The following SH3GLB1 variants were observed in gnomAD, a reference collection of about 807,000 sequenced individuals.
The protein encoded by SH3GLB1 is SH3 domain containing GRB2 like, endophilin B1.
SH3GLB1 carries 17 observed loss-of-function variants against 42.0 expected under a neutral mutation model. The ratio of observed to expected loss-of-function variants is 0.40; its 90% confidence interval spans 0.28 to 0.61. SH3GLB1 has a LOEUF of 0.61. SH3GLB1 is among the 20% of genes least tolerant of loss of function. The pLI is 0.36. For missense variants in SH3GLB1, 355 were observed against 426.3 expected, an observed-to-expected ratio of 0.83 and a Z score of 1.47; for synonymous variants, 132 against 146.6, an observed-to-expected ratio of 0.90 and a Z score of 0.72.
At chr1:86,708,103 A>G (rs1347704563) in intron 1 of SH3GLB1, among the ~76,000 whole-genome samples, 1 of 152,236 alleles carries the variant, frequency 6.6e-6, no homozygotes, top group Non-Finnish European at 1.5e-5. Flanking sequence ...ACTTTTTTAA[A>G]GATAAAATTT....
intron 5 of SH3GLB1, among the ~76,000 whole-genome samples, chr1:86,733,180 G>A (rs1042044244): frequency 6.6e-6 from 1 of 152,082 alleles, no homozygotes; most frequent in Non-Finnish European, 1.5e-5. Flanking sequence ...ATGGGTTCTG[G>A]TTTTAGTCAA....
At chr1:86,710,677 A>G (rs1053662258) in intron 1 of SH3GLB1, among the ~76,000 whole-genome samples, 15 of 152,186 alleles carry the variant, frequency 9.9e-5, no homozygotes, top group Non-Finnish European at 2.2e-4. Context: ...AAAATGATCA[A>G]ACACCTAAGT....
chr1:86,735,206 G>A (rs1655722505), intron 7 of SH3GLB1, 27 bp downstream of exon 7: 1 of 1,504,024 alleles, frequency 6.6e-7, no homozygotes, highest in African/African-American at 1.4e-5. Context: ...CACATGTAAA[G>A]AGGAGAAATT....
intron 1 of SH3GLB1, among the ~76,000 whole-genome samples, chr1:86,713,564 T>C (rs1486984646): frequency 6.6e-6 from 1 of 152,182 alleles, no homozygotes; most frequent in Admixed American, 6.5e-5. Context: ...ACTCTTTCCT[T>C]AGATCTTAAC....
intron 5 of SH3GLB1, chr1:86,730,504 A>T (rs564624656): frequency 8.3e-4 from 416 of 498,516 alleles, no homozygotes; most frequent in Non-Finnish European, 9.8e-4. Flanking sequence ...GCACAAATGA[A>T]TTTTTTTTTT....
At position 86,722,647 on chromosome 1, in the gene SH3GLB1, A is replaced by T. The variant is rs778625773; in HGVS notation, c.451A>T (p.Ile151Leu). Reference sequence around the variant, plus strand: ...TTTTCTTACTCCTTTAAGAAACTTTATAGAAGGAGATTACAAAACAATTGC... The same window carrying T: ...TTTTCTTACTCCTTTAAGAAACTTTTTAGAAGGAGATTACAAAACAATTGC... ...LNFLTPLRNF[I>L]EGDYKTIAKE... The change falls in exon 4 of 9, where the codon ATA becomes TTA. Residue 151 changes from isoleucine to leucine, a missense_variant. Ile to Leu is a conservative substitution (Grantham distance 5). Transcript: ENST00000370558. 18 of 1,605,588 alleles carry T rather than the reference A, an allele frequency of 1.1e-5. No homozygotes were observed. The highest frequency in any genetic ancestry group is 3.4e-6 in the Non-Finnish European group (4 of 1,176,548).
chr1:86,735,182 G>A lies in SH3GLB1; in HGVS notation c.761+3G>A, dbSNP rs1405086565. Reference sequence around the variant, plus strand: ...GACCTCCAGAAACAACTGGGAAGGTGATAATTTACTTTTCACATGTAAAGA... The same window carrying A: ...GACCTCCAGAAACAACTGGGAAGGTAATAATTTACTTTTCACATGTAAAGA... On this transcript the variant is annotated splice_donor_region_variant and intron_variant, in intron 7 of 8. Coordinates refer to ENST00000370558, the MANE Select transcript of SH3GLB1 (RefSeq NM_016009.5). 1 of 1,595,900 alleles carries A rather than the reference G, an allele frequency of 6.3e-7. No individual in the cohort carries two copies. Among genetic ancestry groups the A allele is most frequent in the Non-Finnish European group, 8.6e-7 (1 of 1,164,212 alleles).
intron 5 of SH3GLB1, chr1:86,730,323 C>A (rs1007566835): frequency 1.0e-6 from 1 of 985,272 alleles, no homozygotes; most frequent in African/African-American, 1.7e-5. Context: ...GGTTTGCACA[C>A]ACACTGATAA....
At chr1:86,715,680 T>C in intron 1 of SH3GLB1, 44 bp from the exon 2 acceptor site, 2 of 1,550,378 alleles carry the variant, frequency 1.3e-6, no homozygotes, top group Non-Finnish European at 8.6e-7. Flanking sequence ...TTCCCTAAAA[T>C]TTATTTGCAG....
chr1:86,711,599 ATGC>A (rs1302687511), intron 1 of SH3GLB1, among the ~76,000 whole-genome samples: 15 of 152,286 alleles, frequency 9.8e-5, no homozygotes, highest in African/African-American at 3.6e-4. Context: ...ATTAAAAGAT[ATGC>A]TTAAAATCAA....
At chr1:86,722,166 T>C (rs63087360) in intron 3 of SH3GLB1, among the ~76,000 whole-genome samples, 1 of 112,554 alleles carries the variant, frequency 8.9e-6, no homozygotes, top group African/African-American at 4.2e-5. Flanking sequence ...TCAGCCATCC[T>C]TTTTTTTTTT....
At chr1:86,715,943 CA>C in intron 2 of SH3GLB1, 78 bp downstream of exon 2, 1 of 1,414,728 alleles carries the variant, frequency 7.1e-7, no homozygotes, top group East Asian at 2.4e-5. Flanking sequence ...TTTTAATGGC[CA>C]TCTGAAAACA....
intron 5 of SH3GLB1, among the ~76,000 whole-genome samples, chr1:86,726,681 C>CTGATT (rs1655213099): frequency 6.6e-6 from 1 of 151,726 alleles, no homozygotes; most frequent in Non-Finnish European, 1.5e-5. Context: ...TGTATTTTTC[C>CTGATT]CCTAGATAAC....
chr1:86,745,031 T>G lies in SH3GLB1; in HGVS notation c.*1796T>G, dbSNP rs566446008. ...TCTATTGTGTTTTATAAGTCCAGATTTAGGCTTTGAAAGATCATACCAAAA... is the reference window on the plus strand; with the variant it reads ...TCTATTGTGTTTTATAAGTCCAGATGTAGGCTTTGAAAGATCATACCAAAA... On this transcript the variant is annotated 3_prime_UTR_variant, in exon 9 of 9. Coordinates refer to ENST00000370558, the MANE Select transcript of SH3GLB1 (RefSeq NM_016009.5). 6.6e-6 allele frequency: 1 copy of G among 152,278 alleles called. No homozygotes were observed. The highest frequency in any genetic ancestry group is 6.5e-5 in the Admixed American group (1 of 15,298). 9.4% of individuals were successfully genotyped at this position (152,278 alleles called of 1,614,324 possible).
At chr1:86,726,987 AC>A (rs2101958778) in intron 5 of SH3GLB1, among the ~76,000 whole-genome samples, 1 of 151,944 alleles carries the variant, frequency 6.6e-6, no homozygotes, top group South Asian at 2.1e-4. Flanking sequence ...GCAACTAGTT[AC>A]TCTGCTAGTA....
chr1:86,735,057 T>TAA, intron 6 of SH3GLB1, 22 bp from the exon 7 acceptor site: 2 of 1,583,918 alleles, frequency 1.3e-6, no homozygotes, highest in Non-Finnish European at 1.7e-6. Context: ...AGCTAAGAAC[T>TAA]AACTATAATT....
rs1472676480 is a variant in SH3GLB1, at chr1:86,742,467, T to C, written c.990+31T>C. The C allele has an allele frequency of 2.0e-6, 3 of 1,513,886 alleles. No homozygotes were observed. The African/African-American group carries it at 4.1e-5, about 21-fold the overall frequency. The allele number at this position is 1,513,886 out of a possible 1,614,324, so 93.8% of individuals were successfully genotyped here. On this transcript the variant is annotated intron_variant, in intron 8 of 8. Transcript: ENST00000370558. Reference sequence around the variant, plus strand: ...TATTGTGGGTATGAGAAGGAAAATATATCACGAATTGACATACCTTCTAAT... The same window carrying C: ...TATTGTGGGTATGAGAAGGAAAATACATCACGAATTGACATACCTTCTAAT...
intron 1 of SH3GLB1, among the ~76,000 whole-genome samples, chr1:86,711,294 T>G (rs531710162): frequency 2.9e-4 from 44 of 152,222 alleles, no homozygotes; most frequent in African/African-American, 9.9e-4. Context: ...GTGGGTTATA[T>G]GCCTATCCTG....
chr1:86,712,788 T>G (rs1309280995), intron 1 of SH3GLB1, among the ~76,000 whole-genome samples: 1 of 152,024 alleles, frequency 6.6e-6, no homozygotes, highest in African/African-American at 2.4e-5. Context: ...CTACTAATTG[T>G]GTGTGTTTGT....
Sources: allele counts gnomAD v4.1 joint callset (sites outside exome capture counted in the v4.1 genomes callset), GRCh38; gene constraint gnomAD v4.1.1; transcripts MANE v1.5; gene names NCBI Gene and HGNC (gene_info 2026-07-23, HGNC 2026-07-21).